Variants in KANK3 observed in about 807,000 individuals in gnomAD.
KANK3 encodes KN motif and ankyrin repeat domains 3.
Under a neutral mutation model 65.4 loss-of-function variants are expected in KANK3, and 61 were observed. That is an observed-to-expected ratio of 0.93 (90% CI 0.76 to 1.15). The LOEUF (loss-of-function observed/expected upper bound fraction) is 1.15, where lower values mean the gene tolerates loss of function less well. KANK3 is among the 50% of genes most tolerant of loss of function. The pLI, the probability that KANK3 is intolerant of heterozygous loss-of-function variation, is 0.00. For synonymous variants in KANK3, 586 were observed against 543.3 expected (o/e 1.08, Z -1.09); for missense variants, 1,187 against 1,178.8 (o/e 1.01, Z -0.10).
At chr19:8,337,544 C>T (rs1041535187) in intron 2 of KANK3, among the ~76,000 whole-genome samples, 2 of 151,962 alleles carry the variant, frequency 1.3e-5, no homozygotes, top group Admixed American at 6.6e-5. Context: ...CAGGGTTTCA[C>T]CATGTTGCCC....
rs1353522651 is a variant in KANK3, at chr19:8,324,738, C to T, written c.2175G>A (p.Gln725=). The part of the protein sequence containing the change: ...LLACGADVNA[Q]DADGATALMC... ...TCAGCGCTGTGGCCCCATCCGCATC[C>T]TGCGCATTCACATCAGCCCCACACG... The change falls in exon 9 of 11, where the codon CAG becomes CAA. Residue 725 remains glutamine (Q), a synonymous_variant. Coordinates refer to ENST00000330915, the MANE Select transcript of KANK3 (RefSeq NM_198471.3). The T allele has an allele frequency of 3.1e-6, 5 of 1,614,080 alleles. No individual in the cohort carries two copies. The highest frequency in any genetic ancestry group is 2.2e-5 in the South Asian group (2 of 91,090).
Position 8,332,997 on chromosome 19 carries a change from C to A in KANK3, c.1936+17G>T. On this transcript the variant is annotated intron_variant, in intron 7 of 10. Coordinates refer to ENST00000330915, the MANE Select transcript of KANK3 (RefSeq NM_198471.3). ...ACCCATTTCCTGGTGTCCCACCCAC[C>A]CTCCCTTGGCTCTGACCCGTATCCA... 1.8e-6 allele frequency: 2 copies of A among 1,129,404 alleles called. No homozygotes were observed. The highest frequency in any genetic ancestry group is 1.5e-5 in the African/African-American group (1 of 64,636). The allele number at this position is 1,129,404 out of a possible 1,614,324, so 70.0% of individuals were successfully genotyped here. A position where few individuals can be genotyped will look rare whatever the true frequency, so the allele number is the denominator to read the frequency against.
rs1260393391 is a variant in KANK3, at chr19:8,322,875, T to G, written c.2430A>C (p.Glu810Asp). 1.3e-6 allele frequency: 2 copies of G among 1,588,406 alleles called. No homozygotes were observed. Among genetic ancestry groups the G allele is most frequent in the Admixed American group, 3.6e-5 (2 of 55,862 alleles). ...GSQTATPGEG[E>D]CGDNGENPQV... ...GGGGGTTCTCTCCATTGTCACCGCATTCTCCTTCACCAGGTGTGGCTGTCT... is the reference window on the plus strand; with the variant it reads ...GGGGGTTCTCTCCATTGTCACCGCAGTCTCCTTCACCAGGTGTGGCTGTCT... The change falls in exon 11 of 11, where the codon GAA becomes GAC. Residue 810 changes from glutamate to aspartate, a missense_variant. Glu to Asp is a conservative substitution (Grantham distance 45). Around this residue, in one of 3 missense-constraint regions of KANK3, gnomAD observed 1,078 missense variants for 1,038.2 expected, o/e 1.04. Transcript: ENST00000330915.
intron 1 of KANK3, among the ~76,000 whole-genome samples, chr19:8,342,515 C>T (rs1173300217): frequency 6.6e-6 from 1 of 152,182 alleles, no homozygotes; most frequent in African/African-American, 2.4e-5. Flanking sequence ...CCCCCTCTCC[C>T]GCCCCAGGGA....
Position 8,335,749 on chromosome 19 carries a change from GC to G in KANK3, c.77del (p.Gly26AlafsTer27). On this transcript the variant is annotated frameshift_variant, in exon 3 of 11. Transcript: ENST00000330915. LOFTEE classifies it high-confidence loss of function. ...AGTAGGGCGAGCTCGGGCTGCGTGCGCCCCCGGCGGCGGGGACCGGGCACAG... is the reference window on the plus strand; with the variant it reads ...AGTAGGGCGAGCTCGGGCTGCGTGCGCCCCGGCGGCGGGGACCGGGCACAG... ...PRLCPVPAAG[G>X]ARSPSSPYSV... is the part of the protein sequence containing the mutation. 1 of 1,244,320 alleles carries G rather than the reference GC, an allele frequency of 8.0e-7. No individual in the cohort carries two copies. The allele number at this position is 1,244,320 out of a possible 1,614,324, so 77.1% of individuals were successfully genotyped here. A position where few individuals can be genotyped will look rare whatever the true frequency, so the allele number is the denominator to read the frequency against.
Position 8,334,428 on chromosome 19 carries a change from G to GA in KANK3, c.1328-10dup, listed in dbSNP as rs754937945. The GA allele has an allele frequency of 6.2e-7, 1 of 1,613,468 alleles. No homozygotes were observed. On this transcript the variant is annotated splice_polypyrimidine_tract_variant and intron_variant, in intron 3 of 10. Coordinates refer to ENST00000330915, the MANE Select transcript of KANK3 (RefSeq NM_198471.3). ...GATGGATTTGAGGATGCCTGGCGGG[G>GA]ATGAGATGAGGGCACTGAGTTCGAG...
chr19:8,324,838 G>A lies in KANK3; in HGVS notation c.2083-8C>T. The A allele has an allele frequency of 6.2e-7, 1 of 1,608,366 alleles. No individual in the cohort carries two copies. Among genetic ancestry groups the A allele is most frequent in the Non-Finnish European group, 8.5e-7 (1 of 1,176,404 alleles). On this transcript the variant is annotated splice_polypyrimidine_tract_variant and splice_region_variant and intron_variant, in intron 8 of 10. Transcript: ENST00000330915. Reference sequence around the variant, plus strand: ...GAGGGCTGTCTGCCCCGTCTGGGGAGTGGGGAGGAAGAGGGAACAGGCTGG... The same window carrying A: ...GAGGGCTGTCTGCCCCGTCTGGGGAATGGGGAGGAAGAGGGAACAGGCTGG...
intron 2 of KANK3, among the ~76,000 whole-genome samples, chr19:8,336,278 A>G (rs922739831): frequency 6.6e-6 from 1 of 152,082 alleles, no homozygotes; most frequent in Non-Finnish European, 1.5e-5. Flanking sequence ...TCTGCTAAAA[A>G]TACGAAAATT....
chr19:8,334,919 A>T lies in KANK3; in HGVS notation c.908T>A (p.Val303Glu), dbSNP rs1390788701. 1.8e-5 allele frequency: 26 copies of T among 1,458,134 alleles called. No individual in the cohort carries two copies. Among genetic ancestry groups the T allele is most frequent in the Non-Finnish European group, 2.3e-5 (26 of 1,115,638 alleles). 90.3% of individuals were successfully genotyped at this position (1,458,134 alleles called of 1,614,324 possible). ...SLDGTPQTRE[V>E]AAEAVPETRE... ...GGTCTCGGGCACGGCCTCGGCGGCCACCTCCCGGGTCTGGGGCGTCCCATC... is the reference window on the plus strand; with the variant it reads ...GGTCTCGGGCACGGCCTCGGCGGCCTCCTCCCGGGTCTGGGGCGTCCCATC... The change falls in exon 3 of 11, where the codon GTG becomes GAG. Residue 303 changes from valine to glutamate, a missense_variant. Physicochemically the swap from Val to Glu is moderately radical, Grantham distance 121. Coordinates refer to ENST00000330915, the MANE Select transcript of KANK3 (RefSeq NM_198471.3).
At chr19:8,324,596 C>G (rs749148570) in intron 9 of KANK3, 34 bp downstream of exon 9, 1 of 1,612,492 alleles carries the variant, frequency 6.2e-7, no homozygotes, top group African/African-American at 1.3e-5. Context: ...CCATGGGCAC[C>G]CCCCAAGATG....
At chr19:8,329,733 A>G (rs578210923) in intron 7 of KANK3, among the ~76,000 whole-genome samples, 1 of 152,200 alleles carries the variant, frequency 6.6e-6, no homozygotes, top group East Asian at 1.9e-4. Flanking sequence ...ACCAGATTCC[A>G]TACACCTTGG....
chr19:8,336,358 T>A (rs1373029574), intron 2 of KANK3, among the ~76,000 whole-genome samples: 1 of 150,570 alleles, frequency 6.6e-6, no homozygotes, highest in Non-Finnish European at 1.5e-5. Context: ...AATCACTTGA[T>A]CCTGGTAGGC....
At chr19:8,330,660 G>A (rs1386794274) in intron 7 of KANK3, among the ~76,000 whole-genome samples, 5 of 151,952 alleles carry the variant, frequency 3.3e-5, no homozygotes, top group African/African-American at 7.3e-5. Context: ...TCTGGGAGGC[G>A]GAGGTTGCAG....
Position 8,333,689 on chromosome 19 carries a change from G to C in KANK3, c.1719+35C>G, listed in dbSNP as rs569964478. 6.5e-5 allele frequency: 93 copies of C among 1,421,256 alleles called. No homozygotes were observed. In the South Asian group the frequency reaches 7.7e-4, roughly 12 times the overall value. 88.0% of individuals were successfully genotyped at this position (1,421,256 alleles called of 1,614,324 possible). On this transcript the variant is annotated intron_variant, in intron 6 of 10. Transcript: ENST00000330915. This position sits in a 1 kb window ranked among gnomAD's most constrained non-coding sequence, Gnocchi z 5.0. ...GTCAGAGGTCCTTGGAGGCTCCCAC[G>C]CCACTCCCTGGTGCTGCGCTCCCGG...
rs1432209071 is a variant in KANK3, at chr19:8,322,848, C to G, written c.2457G>C (p.Gln819His). 2.5e-6 allele frequency: 4 copies of G among 1,602,718 alleles called. No individual in the cohort carries two copies. In the Admixed American group the frequency reaches 5.2e-5, roughly 21 times the overall value. ...AGCCAGACGAGGCAGCTTACTGAAC[C>G]TGGGGGTTCTCTCCATTGTCACCGC... ...GECGDNGENP[Q>H]VQ Residue 819 changes from glutamine (Q) to histidine (H), a missense_variant, in exon 11 of 11, where the codon CAG becomes CAC. Physicochemically the swap from Gln to His is conservative, Grantham distance 24. Around this residue, in one of 3 missense-constraint regions of KANK3, gnomAD observed 1,078 missense variants for 1,038.2 expected, o/e 1.04. Transcript: ENST00000330915.
chr19:8,335,124 C>G lies in KANK3; in HGVS notation c.703G>C (p.Gly235Arg), dbSNP rs542124395. ...TTGTCCGGGCGCGTCTCAGCCTCCC[C>G]GTCCGGCTCGGGCTGCGCGCGCCCG... ...LAGRAQPEPD[G>R]EAETRPDKLA... is the part of the protein sequence containing the mutation. The change falls in exon 3 of 11, where the codon GGG (glycine) becomes CGG (arginine). Residue 235 changes from glycine (G) to arginine (R), a missense_variant. Around this residue, in one of 3 missense-constraint regions of KANK3, gnomAD observed 1,078 missense variants for 1,038.2 expected, o/e 1.04. Coordinates refer to ENST00000330915, the MANE Select transcript of KANK3 (RefSeq NM_198471.3). The G allele has an allele frequency of 2.3e-5, 29 of 1,262,924 alleles. No homozygotes were observed. Among genetic ancestry groups the G allele is most frequent in the Non-Finnish European group, 2.9e-5 (29 of 1,007,200 alleles). 78.2% of individuals were successfully genotyped at this position (1,262,924 alleles called of 1,614,324 possible). A position where few individuals can be genotyped will look rare whatever the true frequency, so the allele number is the denominator to read the frequency against.
At position 8,335,299 on chromosome 19, in the gene KANK3, A is replaced by C; in HGVS notation, c.528T>G (p.Ala176=). 1 of 1,205,752 alleles carries C rather than the reference A, an allele frequency of 8.3e-7. No individual in the cohort carries two copies. The highest frequency in any genetic ancestry group is 1.0e-6 in the Non-Finnish European group (1 of 971,358). The allele number at this position is 1,205,752 out of a possible 1,614,324, so 74.7% of individuals were successfully genotyped here. A position where few individuals can be genotyped will look rare whatever the true frequency, so the allele number is the denominator to read the frequency against. ...GCTGCAGTTGGGCAGGGCCGGGCGAAGCAGGGGCAAGGTTAGGGGCGGGGC... is the reference window on the plus strand; with the variant it reads ...GCTGCAGTTGGGCAGGGCCGGGCGACGCAGGGGCAAGGTTAGGGGCGGGGC... ...RSSPAPNLAP[A]SPGPAQLQLV... The change falls in exon 3 of 11, where the codon GCT becomes GCG. Residue 176 remains alanine (A), a synonymous_variant. Coordinates refer to ENST00000330915, the MANE Select transcript of KANK3 (RefSeq NM_198471.3).
intron 7 of KANK3, among the ~76,000 whole-genome samples, chr19:8,331,164 C>T (rs1332433095): frequency 6.6e-6 from 1 of 151,216 alleles, no homozygotes; most frequent in Admixed American, 6.6e-5. Flanking sequence ...CACTGCACTC[C>T]AGCCTGGGCG....
At chr19:8,330,445 TTGTC>T (rs1970503096) in intron 7 of KANK3, among the ~76,000 whole-genome samples, 1 of 151,780 alleles carries the variant, frequency 6.6e-6, no homozygotes, top group African/African-American at 2.4e-5. Context: ...AATGTAAAAA[TTGTC>T]TGGGCACGGT....
Sources: allele counts gnomAD v4.1 joint callset (sites outside exome capture counted in the v4.1 genomes callset), GRCh38; gene constraint gnomAD v4.1.1; regional missense constraint gnomAD v4.1.1; non-coding constraint Gnocchi (gnomAD v3.1); transcripts MANE v1.5; gene names NCBI Gene and HGNC (gene_info 2026-07-23, HGNC 2026-07-21).